FXYD6: variants seen among roughly 807,000 people sequenced by gnomAD.
FXYD6 encodes FXYD domain containing ion transport regulator 6.
A neutral mutation model predicts 16.7 loss-of-function variants in FXYD6; 7 were observed. The observed-to-expected ratio is 0.42, with a 90% CI of 0.24 to 0.79. The LOEUF (loss-of-function observed/expected upper bound fraction) is 0.79. Ranked by LOEUF, FXYD6 falls within the 30% of genes least tolerant of loss-of-function variation. The pLI, the probability that FXYD6 is intolerant of heterozygous loss-of-function variation, is 0.28. For synonymous variants in FXYD6, 49 were observed against 43.0 expected (o/e 1.14, Z -0.54); for missense variants, 111 against 116.2 (o/e 0.95, Z 0.21).
intron 1 of FXYD6, among the ~76,000 whole-genome samples, chr11:117,868,248 C>T (rs923205876): frequency 3.9e-5 from 6 of 152,158 alleles, no homozygotes; most frequent in Admixed American, 3.9e-4. Flanking sequence ...GGAGAGAACA[C>T]AGCTCCAATC....
At chr11:117,839,964 A>G (rs1398998928) in intron 6 of FXYD6, 134 bp from the exon 7 acceptor site, 28 of 1,161,778 alleles carry the variant, frequency 2.4e-5, no homozygotes, top group Non-Finnish European at 3.3e-5. Context: ...AGTCAGAACG[A>G]TCTGGGTTCA....
chr11:117,842,344 G>GA (rs1274856893), intron 2 of FXYD6: 1 of 563,676 alleles, frequency 1.8e-6, no homozygotes, highest in Admixed American at 3.2e-5. Flanking sequence ...GACACACGGA[G>GA]AAACCGAGAC....
At chr11:117,844,621 A>G (rs1257490943) in intron 1 of FXYD6, among the ~76,000 whole-genome samples, 1 of 151,914 alleles carries the variant, frequency 6.6e-6, no homozygotes, top group Non-Finnish European at 1.5e-5. Context: ...CTGCCTCCCA[A>G]GGAGTTTGGA....
At chr11:117,849,404 T>A (rs1591562609) in intron 1 of FXYD6, among the ~76,000 whole-genome samples, 2 of 152,244 alleles carry the variant, frequency 1.3e-5, no homozygotes, top group Non-Finnish European at 2.9e-5. Flanking sequence ...AGACTTGCTT[T>A]ATGACCTAGT....
At position 117,858,647 on chromosome 11, in the gene FXYD6, CTTTCTTTCTTTCT is replaced by C. The variant is rs1565323260; in HGVS notation, c.-5-15879_-5-15867del. 6.6e-4 allele frequency among the ~76,000 whole-genome samples: 35 copies of C among 52,862 alleles called. 1 individual carries two copies. The highest frequency in any genetic ancestry group is 2.1e-3 in the African/African-American group (28 of 13,524). 34.7% of individuals were successfully genotyped at this position (52,862 alleles called of 152,430 possible). A position where few individuals can be genotyped will look rare whatever the true frequency, so the allele number is the denominator to read the frequency against. Reference sequence around the variant, plus strand: ...CATTTTCTTTTTTCTTTCTTTCTTTCTTTCTTTCTTTCTTTCTTTCTTTCTTTCTTTCTTTCTT... The same window carrying C: ...CATTTTCTTTTTTCTTTCTTTCTTTCTTCTTTCTTTCTTTCTTTCTTTCTT... On this transcript the variant is annotated intron_variant, in intron 1 of 7. Coordinates refer to ENST00000526014, the MANE Select transcript of FXYD6 (RefSeq NM_022003.4).
At chr11:117,875,526 C>T (rs1419619305) in intron 1 of FXYD6, among the ~76,000 whole-genome samples, 1 of 152,066 alleles carries the variant, frequency 6.6e-6, no homozygotes, top group East Asian at 1.9e-4. Context: ...GTGCAAAAGG[C>T]TAAGTTGCGG....
At chr11:117,876,742 C>T (rs1342937934), upstream of FXYD6, 2 of 139,824 alleles carry the variant, frequency 1.4e-5, no homozygotes, top group Non-Finnish European at 3.1e-5. Context: ...CTGGGAGGCG[C>T]GTCCTGCGGG....
intron 1 of FXYD6, among the ~76,000 whole-genome samples, chr11:117,859,455 G>T (rs1307200063): frequency 1.3e-5 from 2 of 152,200 alleles, no homozygotes; most frequent in East Asian, 3.9e-4. Context: ...ATTCTGAGAT[G>T]AAAACCCACA....
chr11:117,838,195 A>G lies in FXYD6; in HGVS notation c.*104T>C, dbSNP rs1336316970. 12 of 702,324 alleles carry G rather than the reference A, an allele frequency of 1.7e-5. No homozygotes were observed. Among genetic ancestry groups the G allele is most frequent in the Middle Eastern group, 2.4e-4 (1 of 4,232 alleles). The allele number at this position is 702,324 out of a possible 1,614,324, so 43.5% of individuals were successfully genotyped here. A position where few individuals can be genotyped will look rare whatever the true frequency, so the allele number is the denominator to read the frequency against. ...CAAGTTCTTGGCTTCTCCTGGGGAAAGGGCTGTTGCTGAAGTGGCCGGTTT... is the reference window on the plus strand; with the variant it reads ...CAAGTTCTTGGCTTCTCCTGGGGAAGGGGCTGTTGCTGAAGTGGCCGGTTT... On this transcript the variant is annotated 3_prime_UTR_variant, in exon 8 of 8. Coordinates refer to ENST00000526014, the MANE Select transcript of FXYD6 (RefSeq NM_022003.4).
chr11:117,840,451 C>G, intron 5 of FXYD6, 83 bp from the exon 6 acceptor site: 1 of 1,569,822 alleles, frequency 6.4e-7, no homozygotes, highest in Non-Finnish European at 8.8e-7. Context: ...CACTGGGGCA[C>G]AGCTGCCTGC....
intron 1 of FXYD6, among the ~76,000 whole-genome samples, chr11:117,847,327 G>A (rs58186207): frequency 0.011 from 1,690 of 151,264 alleles, 30 homozygotes; most frequent in African/African-American, 0.039. Context: ...TAATTCTCAC[G>A]CTGTTTATTT....
chr11:117,862,065 CCCGGAGGAGG>C (rs2056918487), intron 1 of FXYD6, among the ~76,000 whole-genome samples: 1 of 152,140 alleles, frequency 6.6e-6, no homozygotes, highest in Non-Finnish European at 1.5e-5. Context: ...GGAGAGAAAA[CCCGGAGGAGG>C]AGAAACTGAA....
At position 117,838,166 on chromosome 11, in the gene FXYD6, C is replaced by T; in HGVS notation, c.*133G>A. 1 of 701,620 alleles carries T rather than the reference C, an allele frequency of 1.4e-6. No individual in the cohort carries two copies. Among genetic ancestry groups the T allele is most frequent in the Non-Finnish European group, 2.6e-6 (1 of 384,982 alleles). 43.5% of individuals were successfully genotyped at this position (701,620 alleles called of 1,614,324 possible). ...GTGTTAGAGGGGATAGGGTGGGGGACACACAAGTTCTTGGCTTCTCCTGGG... is the reference window on the plus strand; with the variant it reads ...GTGTTAGAGGGGATAGGGTGGGGGATACACAAGTTCTTGGCTTCTCCTGGG... On this transcript the variant is annotated 3_prime_UTR_variant, in exon 8 of 8. Transcript: ENST00000526014.
At chr11:117,876,252 A>G (rs768964019) in intron 1 of FXYD6, among the ~76,000 whole-genome samples, 1 of 152,012 alleles carries the variant, frequency 6.6e-6, no homozygotes, top group Non-Finnish European at 1.5e-5. Context: ...CCTCATGGAT[A>G]AAGGGTGGGC....
chr11:117,850,308 G>A (rs2056577310), intron 1 of FXYD6, among the ~76,000 whole-genome samples: 3 of 151,368 alleles, frequency 2.0e-5, no homozygotes, highest in Admixed American at 6.6e-5. Context: ...GAAGCTGGCC[G>A]ATAACATGTC....
chr11:117,855,192 A>G (rs983614183), intron 1 of FXYD6, among the ~76,000 whole-genome samples: 1 of 152,234 alleles, frequency 6.6e-6, no homozygotes, highest in Non-Finnish European at 1.5e-5. Context: ...CTGCCTTTGT[A>G]TTCTAAAGAA....
At chr11:117,864,139 C>CA (rs771272936) in intron 1 of FXYD6, among the ~76,000 whole-genome samples, 27 of 152,048 alleles carry the variant, frequency 1.8e-4, no homozygotes, top group Non-Finnish European at 3.4e-4. Context: ...CCTGGGTAGC[C>CA]AAAAAAATCC....
chr11:117,869,731 G>A (rs746378382), intron 1 of FXYD6, among the ~76,000 whole-genome samples: 1 of 152,194 alleles, frequency 6.6e-6, no homozygotes, highest in Non-Finnish European at 1.5e-5. Flanking sequence ...AAAGAAATAA[G>A]GCCTCTTCCT....
intron 1 of FXYD6, among the ~76,000 whole-genome samples, chr11:117,869,876 G>A (rs935392831): frequency 1.3e-5 from 2 of 149,152 alleles, no homozygotes; most frequent in Non-Finnish European, 3.0e-5. Context: ...AGTGCGTGCC[G>A]GCCTGGCTTT....
Sources: gnomAD v4.1 joint callset for allele counts (sites outside exome capture counted in the v4.1 genomes callset) on GRCh38, gnomAD v4.1.1 for gene constraint, MANE v1.5 for transcripts, NCBI Gene and HGNC (gene_info 2026-07-23, HGNC 2026-07-21) for gene names.